NDST3: variants seen among roughly 807,000 people sequenced by gnomAD.
The protein encoded by NDST3 is N-deacetylase and N-sulfotransferase 3, also known as bifunctional heparan sulfate N-deacetylase/N-sulfotransferase 3.
In NDST3, 58 loss-of-function variants were observed where a neutral mutation model predicts 96.1. The ratio of observed to expected loss-of-function variants is 0.60; its 90% CI spans 0.49 to 0.75. The LOEUF (loss-of-function observed/expected upper bound fraction) is 0.75, where lower values mean the gene tolerates loss of function less well. NDST3 is among the 30% of genes least tolerant of loss of function. The pLI is 0.00. For missense variants in NDST3, 788 were observed against 1,034.2 expected (o/e 0.76, Z 3.27); for synonymous variants, 333 against 359.7 (o/e 0.93, Z 0.84).
chr4:118,113,401 T>C (rs28375657), intron 3 of NDST3, among the ~76,000 whole-genome samples: 14,088 of 152,218 alleles, frequency 0.093, 778 homozygotes, highest in African/African-American at 0.15. Flanking sequence ...TACTTAAGCA[T>C]GCGAAAGTGA....
chr4:118,152,171 A>C (rs541058012), intron 6 of NDST3, among the ~76,000 whole-genome samples: 1 of 152,354 alleles, frequency 6.6e-6, no homozygotes, highest in African/African-American at 2.4e-5. Context: ...AATCAAAAGC[A>C]TAAGGAAAAC....
At chr4:118,124,784 T>C (rs1280314220) in intron 4 of NDST3, among the ~76,000 whole-genome samples, 1 of 152,136 alleles carries the variant, frequency 6.6e-6, no homozygotes, top group African/African-American at 2.4e-5. Flanking sequence ...GTGACACTTC[T>C]GTTTTATAAG....
At chr4:118,203,838 C>A (rs1738255502) in intron 6 of NDST3, among the ~76,000 whole-genome samples, 1 of 152,138 alleles carries the variant, frequency 6.6e-6, no homozygotes, top group East Asian at 1.9e-4. Flanking sequence ...TTCTCAGATC[C>A]TCTTAATCAA....
chr4:118,211,985 C>T (rs538757010), intron 6 of NDST3, among the ~76,000 whole-genome samples: 14 of 152,222 alleles, frequency 9.2e-5, no homozygotes, highest in African/African-American at 2.9e-4. Context: ...TTTATGGACC[C>T]CTTCCACAGC....
chr4:118,217,672 T>C (rs1739277490), intron 6 of NDST3, among the ~76,000 whole-genome samples: 1 of 151,992 alleles, frequency 6.6e-6, no homozygotes, highest in African/African-American at 2.4e-5. Context: ...TAAATTACAG[T>C]ACACTCTTCC....
chr4:118,129,911 G>T (rs1732464013), intron 4 of NDST3, among the ~76,000 whole-genome samples: 1 of 151,898 alleles, frequency 6.6e-6, no homozygotes, highest in South Asian at 2.1e-4. Context: ...TACTATTACG[G>T]GGTTGACTCC....
chr4:118,054,979 C>T (rs746044009), intron 2 of NDST3, 88 bp downstream of exon 2: 2 of 1,537,960 alleles, frequency 1.3e-6, no homozygotes, highest in South Asian at 2.2e-5. Context: ...ACTGGGTTAC[C>T]CAGGACATGG....
At chr4:118,106,828 T>G (rs1192679129) in intron 3 of NDST3, among the ~76,000 whole-genome samples, 1 of 152,236 alleles carries the variant, frequency 6.6e-6, no homozygotes, top group Non-Finnish European at 1.5e-5. Context: ...TGGTGGCTCA[T>G]GCCTGTAATC....
intron 4 of NDST3, among the ~76,000 whole-genome samples, chr4:118,134,260 A>C (rs928685043): frequency 6.6e-6 from 1 of 152,216 alleles, no homozygotes; most frequent in Non-Finnish European, 1.5e-5. Flanking sequence ...GGGTGGCACA[A>C]GATAAGGCTA....
chr4:118,184,602 TACACACACA>T (rs999556859), intron 6 of NDST3, among the ~76,000 whole-genome samples: 26 of 138,490 alleles, frequency 1.9e-4, no homozygotes, highest in East Asian at 1.1e-3. Context: ...TCTCTCTCTC[TACACACACA>T]CACACACACA....
At chr4:118,099,101 C>A (rs1186671861) in intron 2 of NDST3, among the ~76,000 whole-genome samples, 1 of 152,006 alleles carries the variant, frequency 6.6e-6, no homozygotes, top group South Asian at 2.1e-4. Flanking sequence ...TCATACAAAA[C>A]CTGGGAGTTA....
chr4:118,150,711 A>G (rs1254917683), intron 6 of NDST3, among the ~76,000 whole-genome samples: 47 of 151,080 alleles, frequency 3.1e-4, no homozygotes, highest in African/African-American at 8.9e-4. Context: ...CAGTTAGAAT[A>G]GCAATCATTC....
At chr4:118,112,603 G>C (rs1263122818) in intron 3 of NDST3, among the ~76,000 whole-genome samples, 1 of 152,188 alleles carries the variant, frequency 6.6e-6, no homozygotes, top group Admixed American at 6.5e-5. Context: ...GTTAGAAGCA[G>C]AGATGTTTAA....
intron 6 of NDST3, among the ~76,000 whole-genome samples, chr4:118,147,565 T>C (rs980423863): frequency 1.3e-5 from 2 of 152,164 alleles, no homozygotes; most frequent in African/African-American, 4.8e-5. Flanking sequence ...ACAAAAAGGA[T>C]TAATTGGCAA....
chr4:118,212,544 T>A (rs1738870600), intron 6 of NDST3, among the ~76,000 whole-genome samples: 1 of 152,158 alleles, frequency 6.6e-6, no homozygotes, highest in Non-Finnish European at 1.5e-5. Flanking sequence ...TGTTTTTCAT[T>A]CATTCTTTTA....
chr4:118,224,779 G>T, intron 7 of NDST3, 106 bp downstream of exon 7: 1 of 964,092 alleles, frequency 1.0e-6, no homozygotes, highest in Non-Finnish European at 1.5e-6. Flanking sequence ...CCTGCATTTT[G>T]GAAATGTTAG....
intron 2 of NDST3, among the ~76,000 whole-genome samples, chr4:118,074,432 G>A (rs546319465): frequency 2.6e-5 from 4 of 152,230 alleles, no homozygotes; most frequent in South Asian, 2.1e-4. Flanking sequence ...GTGCTCTACT[G>A]TTAGATGCAA....
intron 6 of NDST3, among the ~76,000 whole-genome samples, chr4:118,216,106 T>G (rs1739178271): frequency 6.6e-6 from 1 of 152,168 alleles, no homozygotes; most frequent in Non-Finnish European, 1.5e-5. Flanking sequence ...AGTGAACTAA[T>G]TAAATGGAAG....
chr4:118,189,490 C>T (rs2125962920), intron 6 of NDST3, among the ~76,000 whole-genome samples: 1 of 152,182 alleles, frequency 6.6e-6, no homozygotes, highest in South Asian at 2.1e-4. Flanking sequence ...TCAAAAAACA[C>T]AATACTGAAG....
Sources: gnomAD v4.1 joint callset for allele counts (sites outside exome capture counted in the v4.1 genomes callset) on GRCh38, gnomAD v4.1.1 for gene constraint, MANE v1.5 for transcripts, NCBI Gene and HGNC (gene_info 2026-07-23, HGNC 2026-07-21) for gene names.